The following SH2D4A variants were observed in gnomAD, a reference collection of about 807,000 sequenced individuals.
The protein encoded by SH2D4A is SH2 domain-containing protein 4A.
In SH2D4A, 70 loss-of-function variants were observed where a neutral mutation model predicts 64.7. That is an observed-to-expected ratio of 1.08 (90% CI 0.89 to 1.32). The LOEUF (loss-of-function observed/expected upper bound fraction) is 1.32. SH2D4A is among the 40% of genes most tolerant of loss of function. SH2D4A has a pLI of 0.00. For missense variants in SH2D4A, 706 were observed against 540.1 expected, an observed-to-expected ratio of 1.31 and a Z score of -3.04; for synonymous variants, 268 against 200.7, an observed-to-expected ratio of 1.34 and a Z score of -2.83.
At chr8:19,335,180 C>T (rs991091086) in intron 4 of SH2D4A, among the ~76,000 whole-genome samples, 12 of 151,878 alleles carry the variant, frequency 7.9e-5, no homozygotes, top group African/African-American at 1.5e-4. Context: ...CCCAGCTACT[C>T]GGGAGGCTGA....
chr8:19,325,144 C>T (rs1221108602), intron 2 of SH2D4A, among the ~76,000 whole-genome samples: 1 of 152,146 alleles, frequency 6.6e-6, no homozygotes, highest in Non-Finnish European at 1.5e-5. Flanking sequence ...GCTCTGTTCC[C>T]AGTCACCAAA....
At chr8:19,353,674 G>GTTTTTT (rs55989081) in intron 4 of SH2D4A, among the ~76,000 whole-genome samples, 1,252 of 105,060 alleles carry the variant, frequency 0.012, 21 homozygotes, top group African/African-American at 0.02. Context: ...GCCTCTAGCT[G>GTTTTTT]TTTTTTTTTT....
chr8:19,340,572 G>A (rs370110544), intron 4 of SH2D4A, among the ~76,000 whole-genome samples: 7 of 149,694 alleles, frequency 4.7e-5, no homozygotes, highest in East Asian at 3.9e-4. Context: ...GTGGATACAC[G>A]CTGATTTTGT....
intron 4 of SH2D4A, among the ~76,000 whole-genome samples, chr8:19,336,201 T>C (rs2052443045): frequency 6.6e-6 from 1 of 152,174 alleles, no homozygotes; most frequent in East Asian, 1.9e-4. Flanking sequence ...CCCAAGGTCT[T>C]ATTCAAACCC....
intron 8 of SH2D4A, among the ~76,000 whole-genome samples, chr8:19,393,084 G>A (rs1462208208): frequency 1.3e-5 from 2 of 152,110 alleles, no homozygotes; most frequent in Non-Finnish European, 2.9e-5. Context: ...AAGCTCTCAT[G>A]TATACCTCTA....
intron 8 of SH2D4A, among the ~76,000 whole-genome samples, chr8:19,377,655 G>A (rs1009607935): frequency 1.3e-5 from 2 of 151,900 alleles, no homozygotes; most frequent in East Asian, 3.9e-4. Context: ...TACCTATCAT[G>A]CAGTGTTTTA....
At chr8:19,328,620 A>C (rs547630506) in intron 2 of SH2D4A, among the ~76,000 whole-genome samples, 1 of 152,162 alleles carries the variant, frequency 6.6e-6, no homozygotes, top group Non-Finnish European at 1.5e-5. Context: ...CTGAATACCC[A>C]CCACATGCCA....
intron 8 of SH2D4A, among the ~76,000 whole-genome samples, chr8:19,391,278 A>G (rs2053488190): frequency 6.6e-6 from 1 of 152,208 alleles, no homozygotes; most frequent in Admixed American, 6.5e-5. Flanking sequence ...AGACAAACAG[A>G]AGGAGCAGCC....
intron 2 of SH2D4A, among the ~76,000 whole-genome samples, chr8:19,331,661 A>G (rs181180457): frequency 3.5e-4 from 54 of 152,296 alleles, no homozygotes; most frequent in Non-Finnish European, 7.5e-4. Flanking sequence ...GCAGCCATAT[A>G]AGTAAATAAT....
intron 7 of SH2D4A, among the ~76,000 whole-genome samples, chr8:19,366,021 T>C (rs1585187825): frequency 6.6e-6 from 1 of 151,612 alleles, no homozygotes; most frequent in African/African-American, 2.4e-5. Context: ...TGTACAACTA[T>C]ATATATATAT....
intron 1 of SH2D4A, among the ~76,000 whole-genome samples, chr8:19,317,534 AAC>A (rs572252359): frequency 2.3e-4 from 35 of 152,280 alleles, no homozygotes; most frequent in African/African-American, 8.2e-4. Context: ...CTTCACAATG[AAC>A]AGTCAGCGAA....
chr8:19,331,160 G>T (rs892460530), intron 2 of SH2D4A, among the ~76,000 whole-genome samples: 19 of 152,230 alleles, frequency 1.2e-4, no homozygotes, highest in African/African-American at 4.6e-4. Flanking sequence ...TCAAAAGAAA[G>T]CACGAGCCTG....
chr8:19,327,934 C>T (rs578157471), intron 2 of SH2D4A, among the ~76,000 whole-genome samples: 1 of 152,322 alleles, frequency 6.6e-6, no homozygotes, highest in East Asian at 1.9e-4. Flanking sequence ...AGAGCTTTCT[C>T]AGTCTATATC....
At chr8:19,372,844 C>CTT (rs796447159) in intron 7 of SH2D4A, among the ~76,000 whole-genome samples, 9 of 140,978 alleles carry the variant, frequency 6.4e-5, no homozygotes, top group South Asian at 2.3e-4. Flanking sequence ...TATTTCTTTA[C>CTT]TTTTTTTTTT....
In SH2D4A at chr8:19,313,800, C is replaced by G; in HGVS notation, c.-228C>G. ...TGGATGTGGCGGGTGATCGAGCCACCCTGCCCAGGGGCGCCCAGCACTGGT... is the reference window on the plus strand; with the variant it reads ...TGGATGTGGCGGGTGATCGAGCCACGCTGCCCAGGGGCGCCCAGCACTGGT... On this transcript the variant is annotated 5_prime_UTR_variant, in exon 1 of 10. Coordinates refer to ENST00000265807, the MANE Select transcript of SH2D4A (RefSeq NM_022071.4). 6.6e-7 allele frequency: 1 copy of G among 1,511,230 alleles called. No homozygotes were observed. Among genetic ancestry groups the G allele is most frequent in the Non-Finnish European group, 8.8e-7 (1 of 1,135,298 alleles). 93.6% of individuals were successfully genotyped at this position (1,511,230 alleles called of 1,614,324 possible).
intron 4 of SH2D4A, among the ~76,000 whole-genome samples, chr8:19,339,495 C>CTTTTTTTTTTTTTTTTTTTT (rs5889867): frequency 1.6e-5 from 2 of 129,026 alleles, no homozygotes; most frequent in African/African-American, 3.0e-5. Flanking sequence ...TATAAACTTT[C>CTTTTTTTTTTTTTTTTTTTT]TTTTTTTTTT....
intron 4 of SH2D4A, among the ~76,000 whole-genome samples, chr8:19,343,630 C>T (rs1031390046): frequency 1.3e-5 from 2 of 152,060 alleles, no homozygotes; most frequent in African/African-American, 2.4e-5. Flanking sequence ...CCTGTGTGAC[C>T]GTCTCCTACC....
rs115222607 is a variant in SH2D4A at position 19,320,589 on chromosome 8, A to C, written c.181+861A>C. On this transcript the variant is annotated intron_variant, in intron 2 of 9. Transcript: ENST00000265807. ...CACTGAACTGAAATCACACCTCTGC[A>C]CTCCACCCTGGGTGACAGAGTGAGA... Among the ~76,000 whole-genome samples, 433 of 139,590 alleles carry C rather than the reference A, an allele frequency of 3.1e-3. 3 individuals are homozygous for C. Among genetic ancestry groups the C allele is most frequent in the African/African-American group, 0.011 (401 of 36,480 alleles). The allele number at this position is 139,590 out of a possible 152,430, so 91.6% of individuals were successfully genotyped here. A position where few individuals can be genotyped will look rare whatever the true frequency, so the allele number is the denominator to read the frequency against.
intron 2 of SH2D4A, among the ~76,000 whole-genome samples, 163 bp downstream of exon 2, chr8:19,319,891 G>C (rs534811150): frequency 2.0e-4 from 31 of 151,730 alleles, no homozygotes; most frequent in African/African-American, 7.3e-4. Context: ...TCCACCTGAA[G>C]TCTACACACA....
Sources: allele counts gnomAD v4.1 joint callset (sites outside exome capture counted in the v4.1 genomes callset), GRCh38; gene constraint gnomAD v4.1.1; transcripts MANE v1.5; gene names NCBI Gene and HGNC (gene_info 2026-07-23, HGNC 2026-07-21).